Variants in SORL1 observed in about 807,000 individuals in gnomAD.
SORL1 encodes the protein sortilin related receptor 1.
A neutral mutation model predicts 273.7 loss-of-function variants in SORL1; 127 were observed. The ratio of observed to expected loss-of-function variants is 0.46; its 90% CI spans 0.40 to 0.54. The LOEUF (loss-of-function observed/expected upper bound fraction) is 0.54. Ranked by LOEUF, SORL1 falls within the 20% of genes least tolerant of loss-of-function variation. SORL1 has a pLI of 0.00. For synonymous variants in SORL1, 1,031 were observed against 1,067.4 expected (o/e 0.97, Z 0.66); for missense variants, 2,494 against 2,846.1 (o/e 0.88, Z 2.81).
chr11:121,527,984 T>C (rs1862147308), intron 11 of SORL1, among the ~76,000 whole-genome samples: 1 of 152,176 alleles, frequency 6.6e-6, no homozygotes, highest in African/African-American at 2.4e-5. Flanking sequence ...ATTTTTTCCC[T>C]TATTTGTTTT....
intron 6 of SORL1, among the ~76,000 whole-genome samples, chr11:121,504,706 C>G (rs1052144897): frequency 2.6e-5 from 4 of 152,042 alleles, no homozygotes; most frequent in African/African-American, 9.7e-5. Flanking sequence ...GCCCAACTGC[C>G]TTGGGTAGAA....
chr11:121,591,040 C>T lies in SORL1; in HGVS notation c.4253C>T (p.Thr1418Met), dbSNP rs770589110. Reference sequence around the variant, plus strand: ...CCCTTCTCGACTCCTGGGCCCTCCACGTGTCTGCCCAATTACTACCGCTGC... The same window carrying T: ...CCCTTCTCGACTCCTGGGCCCTCCATGTGTCTGCCCAATTACTACCGCTGC... The part of the protein sequence containing the change: ...ILPFSTPGPS[T>M]CLPNYYRCSS... Residue 1418 changes from threonine (T) to methionine (M), a missense_variant, in exon 31 of 48, where the codon ACG (threonine) becomes ATG (methionine). By Grantham distance (81) the Thr-to-Met change is moderately conservative. Coordinates refer to ENST00000260197, the MANE Select transcript of SORL1 (RefSeq NM_003105.6). 17 of 1,614,132 alleles carry T rather than the reference C, an allele frequency of 1.1e-5. No homozygotes were observed. The highest frequency in any genetic ancestry group is 3.3e-5 in the Admixed American group (2 of 60,016).
intron 32 of SORL1, among the ~76,000 whole-genome samples, chr11:121,599,613 A>G (rs1337847730): frequency 1.3e-5 from 2 of 152,224 alleles, no homozygotes; most frequent in African/African-American, 4.8e-5. Flanking sequence ...TAACATTTCC[A>G]TATTACATCT....
intron 12 of SORL1, among the ~76,000 whole-genome samples, chr11:121,538,569 A>G (rs2134879756): frequency 6.6e-6 from 1 of 152,312 alleles, no homozygotes; most frequent in South Asian, 2.1e-4. Context: ...CAATCAATCA[A>G]CAGGACGGAT....
chr11:121,495,094 G>GT (rs1388443809), intron 5 of SORL1, among the ~76,000 whole-genome samples: 1 of 152,030 alleles, frequency 6.6e-6, no homozygotes, highest in Non-Finnish European at 1.5e-5. Context: ...TTTTTTCTTT[G>GT]TTTTTTCAAG....
chr11:121,572,430 G>A (rs894595770), intron 23 of SORL1, among the ~76,000 whole-genome samples: 6 of 152,060 alleles, frequency 3.9e-5, no homozygotes, highest in Admixed American at 6.6e-5. Context: ...CTGCTCCGTC[G>A]TCTCCCTGTT....
In SORL1 at chr11:121,555,210, A is replaced by G; in HGVS notation, c.2463A>G (p.Thr821=). The part of the protein sequence containing the change: ...VIQRLCLNGS[T]GQEVIINSGL... Reference sequence around the variant, plus strand: ...AGCGCCTCTGTTTGAATGGAAGCACAGGGCAAGAGGTGATCATCAATTCTG... The same window carrying G: ...AGCGCCTCTGTTTGAATGGAAGCACGGGGCAAGAGGTGATCATCAATTCTG... The change falls in exon 18 of 48, where the codon ACA becomes ACG. Residue 821 remains threonine, a synonymous_variant. Coordinates refer to ENST00000260197, the MANE Select transcript of SORL1 (RefSeq NM_003105.6). The G allele has an allele frequency of 4.3e-6, 7 of 1,613,146 alleles. No homozygotes were observed. The highest frequency in any genetic ancestry group is 5.9e-6 in the Non-Finnish European group (7 of 1,179,400).
At chr11:121,528,735 G>A (rs533111399) in intron 11 of SORL1, among the ~76,000 whole-genome samples, 4 of 152,268 alleles carry the variant, frequency 2.6e-5, no homozygotes, top group Admixed American at 6.5e-5. Flanking sequence ...AAGACACTTT[G>A]TATGATTTCA....
At chr11:121,511,792 T>G (rs375124941) in intron 6 of SORL1, among the ~76,000 whole-genome samples, 1 of 152,246 alleles carries the variant, frequency 6.6e-6, no homozygotes, top group African/African-American at 2.4e-5. Context: ...TGGGGCATGT[T>G]TGAGCACAGG....
chr11:121,476,550 CTA>C (rs1861269851), intron 2 of SORL1, among the ~76,000 whole-genome samples: 1 of 152,198 alleles, frequency 6.6e-6, no homozygotes, highest in Non-Finnish European at 1.5e-5. Flanking sequence ...TGTCTAAAGA[CTA>C]TGTCTTTTAT....
intron 11 of SORL1, among the ~76,000 whole-genome samples, chr11:121,531,448 C>T (rs1418431495): frequency 1.3e-5 from 2 of 152,078 alleles, no homozygotes; most frequent in Non-Finnish European, 2.9e-5. Context: ...GGGATTGGCA[C>T]CTTTTGACTA....
chr11:121,457,451 A>G (rs1460874013), intron 1 of SORL1, among the ~76,000 whole-genome samples: 1 of 152,230 alleles, frequency 6.6e-6, no homozygotes, highest in Non-Finnish European at 1.5e-5. Context: ...TGCATGTACA[A>G]CATGTATGTA....
chr11:121,533,511 C>A (rs1358043256), intron 12 of SORL1, among the ~76,000 whole-genome samples: 1 of 152,150 alleles, frequency 6.6e-6, no homozygotes, highest in Non-Finnish European at 1.5e-5. Flanking sequence ...ACCTTTGGCT[C>A]GTTTCTGAAT....
At chr11:121,617,616 G>A (rs1167055364) in intron 41 of SORL1, among the ~76,000 whole-genome samples, 1 of 152,164 alleles carries the variant, frequency 6.6e-6, no homozygotes, top group Non-Finnish European at 1.5e-5. Context: ...CATGGATCCT[G>A]CAGCTCCTAC....
At chr11:121,514,018 A>T in intron 7 of SORL1, 134 bp from the exon 8 acceptor site, 1 of 950,486 alleles carries the variant, frequency 1.1e-6, no homozygotes, top group Non-Finnish European at 1.5e-6. Context: ...TGCCAAGGTT[A>T]GGGAGCTTCC....
intron 12 of SORL1, among the ~76,000 whole-genome samples, chr11:121,540,353 A>G (rs971302206): frequency 2.0e-5 from 3 of 151,990 alleles, no homozygotes; most frequent in African/African-American, 7.3e-5. Flanking sequence ...CCTAAAGGCT[A>G]GTGCCCTATA....
At chr11:121,572,886 C>T (rs1862865259) in intron 23 of SORL1, among the ~76,000 whole-genome samples, 1 of 152,162 alleles carries the variant, frequency 6.6e-6, no homozygotes, top group Non-Finnish European at 1.5e-5. Context: ...AGAAATGGAG[C>T]CTCAAATAAG....
chr11:121,576,666 T>G (rs2134936304), intron 24 of SORL1: 1 of 1,074,436 alleles, frequency 9.3e-7, no homozygotes, highest in African/African-American at 1.6e-5. Flanking sequence ...GGCAGCCTCC[T>G]TCCCCTTCTT....
intron 6 of SORL1, among the ~76,000 whole-genome samples, chr11:121,508,930 T>C (rs1861828884): frequency 6.6e-6 from 1 of 152,132 alleles, no homozygotes. Flanking sequence ...TTGTAAACTT[T>C]ATTATAGGCA....
Sources: allele counts gnomAD v4.1 joint callset (sites outside exome capture counted in the v4.1 genomes callset), GRCh38; gene constraint gnomAD v4.1.1; transcripts MANE v1.5; gene names NCBI Gene and HGNC (gene_info 2026-07-23, HGNC 2026-07-21).